SEM1: variants seen among roughly 807,000 people sequenced by gnomAD.
The protein encoded by SEM1 is 26S proteasome complex subunit SEM1.
SEM1 carries 3 observed loss-of-function variants against 12.7 expected under a neutral mutation model. The observed-to-expected ratio is 0.24, with a 90% CI of 0.11 to 0.61. SEM1 has a LOEUF of 0.61. Among genes scored for constraint, SEM1 ranks in the 20% least tolerant of loss-of-function variants. The pLI is 0.88. For missense variants in SEM1, 59 were observed against 81.3 expected, an observed-to-expected ratio of 0.73 and a Z score of 1.06; for synonymous variants, 30 against 27.8, an observed-to-expected ratio of 1.08 and a Z score of -0.25.
In SEM1 at chr7:96,553,052, T is replaced by A. The variant is rs578026277; in HGVS notation, c.171-46354A>T. Among the ~76,000 whole-genome samples the A allele has an allele frequency of 2.3e-4, 35 of 152,254 alleles. No homozygotes were observed. In the South Asian group the frequency reaches 6.2e-3, roughly 27 times the overall value. ...CTTTTTGATGGGGTTGTTTGTTTTT[T>A]TCTTGTAAATTTGTTTGAGTTCATT... On this transcript the variant is annotated intron_variant and NMD_transcript_variant, in intron 2 of 3. Coordinates refer to the SEM1 transcript ENST00000466986.
chr7:96,687,124 A>AG (rs1162129272), downstream of SEM1, among the ~76,000 whole-genome samples: 2 of 152,216 alleles, frequency 1.3e-5, no homozygotes, highest in African/African-American at 4.8e-5. Flanking sequence ...ATCATTAAAA[A>AG]GTCAGGAAAC....
In SEM1 at chr7:96,633,577, T is replaced by C. The variant is rs141553175; in HGVS notation, c.171-10934A>G. Among the ~76,000 whole-genome samples, 48 of 152,262 alleles carry C rather than the reference T, an allele frequency of 3.2e-4. No individual in the cohort carries two copies. The East Asian group carries it at 7.3e-3, about 23-fold the overall frequency. ...AGTAATAAATGAGGATGTATTATAATATAAAGCATTATATATTATGCAACC... is the reference window on the plus strand; with the variant it reads ...AGTAATAAATGAGGATGTATTATAACATAAAGCATTATATATTATGCAACC... On this transcript the variant is annotated intron_variant, in intron 2 of 2. Coordinates refer to the SEM1 transcript ENST00000417009.
intron 2 of SEM1, among the ~76,000 whole-genome samples, chr7:96,634,223 A>G (rs186523211): frequency 5.9e-5 from 9 of 152,292 alleles, no homozygotes; most frequent in East Asian, 5.8e-4. Context: ...GAATGTTTAG[A>G]ATAATGAGTG....
intron 2 of SEM1, among the ~76,000 whole-genome samples, chr7:96,616,127 C>G (rs191506900): frequency 1.3e-5 from 2 of 152,168 alleles, no homozygotes; most frequent in Non-Finnish European, 2.9e-5. Context: ...ATACTATTTT[C>G]CATAGAGATT....
At chr7:96,706,570 C>CAAAAAAAAAAA (rs67892273) in intron 1 of SEM1, among the ~76,000 whole-genome samples, 18 of 78,056 alleles carry the variant, frequency 2.3e-4, no homozygotes, top group African/African-American at 4.6e-4. Flanking sequence ...CTCAAACAAA[C>CAAAAAAAAAAA]AAAAAAAAAA....
chr7:96,497,429 C>T (rs539024266), upstream of SEM1, among the ~76,000 whole-genome samples: 7 of 152,040 alleles, frequency 4.6e-5, no homozygotes, highest in South Asian at 1.2e-3. Context: ...AGTGGAAAAA[C>T]AAGAAGAAAA....
At chr7:96,655,672 C>T (rs1038213145) in intron 2 of SEM1, among the ~76,000 whole-genome samples, 1 of 152,102 alleles carries the variant, frequency 6.6e-6, no homozygotes, top group Non-Finnish European at 1.5e-5. Context: ...AATGAACAAA[C>T]CGATCGCTCC....
At chr7:96,617,788 G>A (rs190282289), downstream of SEM1, among the ~76,000 whole-genome samples, 2 of 152,242 alleles carry the variant, frequency 1.3e-5, no homozygotes, top group East Asian at 3.9e-4. Flanking sequence ...TGCATATATT[G>A]AGATTATCAT....
intron 2 of SEM1, among the ~76,000 whole-genome samples, chr7:96,596,704 G>C (rs947086575): frequency 1.3e-5 from 2 of 152,142 alleles, no homozygotes; most frequent in South Asian, 4.1e-4. Flanking sequence ...CAGAAGTCAC[G>C]TGCTAAATTG....
At chr7:96,698,426 C>T (rs567098738) in intron 1 of SEM1, among the ~76,000 whole-genome samples, 2 of 151,520 alleles carry the variant, frequency 1.3e-5, no homozygotes, top group Non-Finnish European at 2.9e-5. Flanking sequence ...CTTCCCACCC[C>T]GACAGGCCCA....
At chr7:96,634,789 G>A (rs1330453788) in intron 2 of SEM1, among the ~76,000 whole-genome samples, 2 of 151,834 alleles carry the variant, frequency 1.3e-5, no homozygotes, top group Non-Finnish European at 2.9e-5. Context: ...AAGTATGGTG[G>A]AGAAGAGTAG....
chr7:96,568,013 A>G (rs964374563), intron 2 of SEM1, among the ~76,000 whole-genome samples: 1 of 151,636 alleles, frequency 6.6e-6, no homozygotes, highest in African/African-American at 2.4e-5. Context: ...TGATGGGTAC[A>G]TACAAAAAAT....
downstream of SEM1, among the ~76,000 whole-genome samples, chr7:96,620,453 G>C (rs1807856055): frequency 6.6e-6 from 1 of 152,154 alleles, no homozygotes; most frequent in South Asian, 2.1e-4. Flanking sequence ...AGGCATGTGG[G>C]GTACCCTTTC....
At chr7:96,527,014 A>T (rs1404441209) in intron 2 of SEM1, among the ~76,000 whole-genome samples, 3 of 152,156 alleles carry the variant, frequency 2.0e-5, no homozygotes, top group Non-Finnish European at 4.4e-5. Flanking sequence ...AACCAGTGCC[A>T]CAGAGTTCTC....
chr7:96,491,847 G>A (rs973582516), intron 1 of SEM1, among the ~76,000 whole-genome samples: 3 of 152,120 alleles, frequency 2.0e-5, no homozygotes, highest in Admixed American at 6.6e-5. Context: ...ACTAATATTT[G>A]TGGAGCACCT....
chr7:96,500,658 G>T (rs6944955), upstream of SEM1, among the ~76,000 whole-genome samples: 1 of 152,072 alleles, frequency 6.6e-6, no homozygotes, highest in Admixed American at 6.6e-5. Context: ...GGGATTTGAG[G>T]TCTTCACCAC....
At chr7:96,486,434 A>G (rs1238608838) in intron 1 of SEM1, 1 of 1,534,100 alleles carries the variant, frequency 6.5e-7, no homozygotes, top group African/African-American at 1.4e-5. Context: ...GGGAAGTTGA[A>G]GGTATTATCC....
chr7:96,548,136 G>A (rs573976578), intron 2 of SEM1, among the ~76,000 whole-genome samples: 1 of 152,184 alleles, frequency 6.6e-6, no homozygotes, highest in South Asian at 2.1e-4. Flanking sequence ...TGAACATAAT[G>A]TTTGTAGTTA....
rs541407968 is a variant in SEM1, at chr7:96,592,320, C to A, written c.171-85622G>T. On this transcript the variant is annotated intron_variant and NMD_transcript_variant, in intron 2 of 3. Transcript: ENST00000466986. ...TTTTTCAGCTTGTGATTTGATCCAG[C>A]CAAACCCTGTTAGAGGCACTTGCCC... Among the ~76,000 whole-genome samples the A allele has an allele frequency of 2.0e-5, 3 of 151,992 alleles. No individual in the cohort carries two copies. The East Asian group carries it at 5.9e-4, about 30-fold the overall frequency.
Sources: allele counts gnomAD v4.1 joint callset (sites outside exome capture counted in the v4.1 genomes callset), GRCh38; gene constraint gnomAD v4.1.1; transcripts MANE v1.5; gene names NCBI Gene and HGNC (gene_info 2026-07-23, HGNC 2026-07-21).